Variants in MAGI2 observed in about 807,000 individuals in gnomAD.
MAGI2 encodes the protein membrane associated guanylate kinase, WW and PDZ domain containing 2.
MAGI2 carries 35 observed loss-of-function variants against 133.3 expected under a neutral mutation model. That is an observed-to-expected ratio of 0.26 (90% confidence interval 0.20 to 0.35). The LOEUF (loss-of-function observed/expected upper bound fraction) is 0.35, where lower values mean the gene tolerates loss of function less well. Among genes scored for constraint, MAGI2 ranks in the 10% least tolerant of loss-of-function variants. MAGI2 has a pLI of 1.00. For synonymous variants in MAGI2, 729 were observed against 710.6 expected (o/e 1.03, Z -0.41); for missense variants, 1,636 against 1,863.4 (o/e 0.88, Z 2.25).
intron 1 of MAGI2, among the ~76,000 whole-genome samples, chr7:79,042,749 A>T (rs1281918886): frequency 6.6e-6 from 1 of 152,152 alleles, no homozygotes; most frequent in African/African-American, 2.4e-5. Flanking sequence ...CCTAACAGAC[A>T]TCCACAGAAC....
intron 2 of MAGI2, among the ~76,000 whole-genome samples, chr7:78,989,023 G>A (rs146648533): frequency 3.3e-5 from 5 of 152,124 alleles, no homozygotes; most frequent in African/African-American, 7.2e-5. Flanking sequence ...GAGGTGCTTC[G>A]TGTATTTTTG....
intron 2 of MAGI2, among the ~76,000 whole-genome samples, chr7:78,789,838 G>A (rs1005554816): frequency 3.9e-5 from 6 of 151,994 alleles, no homozygotes; most frequent in Non-Finnish European, 7.4e-5. Context: ...ATCCACCTGT[G>A]GTCTTTTACA....
chr7:78,326,548 C>T (rs139107853), intron 9 of MAGI2, among the ~76,000 whole-genome samples: 80 of 152,284 alleles, frequency 5.3e-4, no homozygotes, highest in Middle Eastern at 3.4e-3. Flanking sequence ...GGTGGGTACT[C>T]AATGCACATG....
chr7:79,398,290 T>G (rs923500618), intron 1 of MAGI2, among the ~76,000 whole-genome samples: 1 of 152,222 alleles, frequency 6.6e-6, no homozygotes, highest in African/African-American at 2.4e-5. Context: ...AGAAGCTTAG[T>G]ATAGAGCACT....
At chr7:78,289,539 C>A (rs895206676) in intron 9 of MAGI2, among the ~76,000 whole-genome samples, 8 of 152,154 alleles carry the variant, frequency 5.3e-5, no homozygotes, top group African/African-American at 1.7e-4. Flanking sequence ...AGGATATCAT[C>A]CAGGAGAACT....
chr7:78,145,527 C>T (rs1823216158), intron 16 of MAGI2, among the ~76,000 whole-genome samples: 1 of 152,110 alleles, frequency 6.6e-6, no homozygotes, highest in African/African-American at 2.4e-5. Flanking sequence ...TGCTGCTTCT[C>T]CTATAGGTCA....
chr7:78,823,306 G>T (rs183638741), intron 2 of MAGI2, among the ~76,000 whole-genome samples: 2 of 151,842 alleles, frequency 1.3e-5, no homozygotes, highest in Non-Finnish European at 2.9e-5. Context: ...ACTGTCGGCC[G>T]GGCGCGGTGG....
At chr7:78,121,527 A>C (rs529405005) in intron 20 of MAGI2, among the ~76,000 whole-genome samples, 8 of 152,362 alleles carry the variant, frequency 5.3e-5, no homozygotes, top group African/African-American at 1.7e-4. Flanking sequence ...AAGAAATGCA[A>C]ATCCAAATCT....
chr7:78,404,794 G>A (rs1797226822), intron 6 of MAGI2, among the ~76,000 whole-genome samples: 1 of 152,086 alleles, frequency 6.6e-6, no homozygotes, highest in Admixed American at 6.6e-5. Flanking sequence ...TAAAGCAATG[G>A]CAACAAAAAC....
intron 4 of MAGI2, among the ~76,000 whole-genome samples, chr7:78,503,560 C>CCCTCCCCCTCCTCCTACCCCTCCT (rs1794812374): frequency 2.5e-5 from 1 of 39,490 alleles, no homozygotes; most frequent in African/African-American, 1.1e-4. Context: ...CTCCATCTCC[C>CCCTCCCCCTCCTCCTACCCCTCCT]CCTCCCCCTC....
intron 2 of MAGI2, among the ~76,000 whole-genome samples, chr7:78,842,119 A>C (rs563018687): frequency 1.2e-4 from 18 of 152,164 alleles, no homozygotes; most frequent in African/African-American, 4.1e-4. Flanking sequence ...TAAGCAGAAC[A>C]AAGTGCCTGC....
intron 1 of MAGI2, chr7:79,410,311 G>A (rs925615396): frequency 3.3e-5 from 5 of 152,036 alleles, no homozygotes; most frequent in East Asian, 3.9e-4. Context: ...TTTTGAATCC[G>A]GGGCTATGTT....
intron 6 of MAGI2, among the ~76,000 whole-genome samples, chr7:78,453,060 CCT>C (rs1788899779): frequency 6.6e-6 from 1 of 152,012 alleles, no homozygotes; most frequent in Non-Finnish European, 1.5e-5. Context: ...TAGCCTCTTT[CCT>C]CTGTTCTTTG....
At chr7:78,888,643 C>T (rs572287429) in intron 2 of MAGI2, among the ~76,000 whole-genome samples, 1 of 152,314 alleles carries the variant, frequency 6.6e-6, no homozygotes, top group Admixed American at 6.5e-5. Context: ...CTCCAGCAAA[C>T]TCCGACAGAC....
At position 78,699,706 on chromosome 7, in the gene MAGI2, T is replaced by A. The variant is rs574892865; in HGVS notation, c.419-72467A>T. Reference sequence around the variant, plus strand: ...CAATTGTGTAACAAGGTTCCTCATATAACATTAAGTCAGTATCTTGTGGCT... The same window carrying A: ...CAATTGTGTAACAAGGTTCCTCATAAAACATTAAGTCAGTATCTTGTGGCT... On this transcript the variant is annotated intron_variant, in intron 2 of 21. Coordinates refer to ENST00000354212, the MANE Select transcript of MAGI2 (RefSeq NM_012301.4). Among the ~76,000 whole-genome samples the A allele has an allele frequency of 2.0e-5, 3 of 152,336 alleles. No homozygotes were observed. The East Asian group carries it at 5.8e-4, about 29-fold the overall frequency.
At chr7:78,896,154 C>T (rs1797197335) in intron 2 of MAGI2, among the ~76,000 whole-genome samples, 1 of 152,170 alleles carries the variant, frequency 6.6e-6, no homozygotes, top group Admixed American at 6.5e-5. Context: ...TTTCATTCAG[C>T]ATGCAGTCTT....
intron 10 of MAGI2, among the ~76,000 whole-genome samples, chr7:78,224,179 G>A (rs1378331686): frequency 6.6e-6 from 1 of 152,172 alleles, no homozygotes; most frequent in Non-Finnish European, 1.5e-5. Context: ...CTGGGAATTG[G>A]AGTACAGGAG....
chr7:78,730,773 T>C (rs73152428), intron 2 of MAGI2, among the ~76,000 whole-genome samples: 14,767 of 152,120 alleles, frequency 0.097, 844 homozygotes, highest in East Asian at 0.23. Context: ...AGATATATTA[T>C]ATACTTAAAT....
chr7:79,371,848 T>G (rs2129134220), intron 1 of MAGI2, among the ~76,000 whole-genome samples: 1 of 152,268 alleles, frequency 6.6e-6, no homozygotes, highest in South Asian at 2.1e-4. Context: ...TAGCTCATAT[T>G]CCCAGTGATT....
Sources: allele counts gnomAD v4.1 joint callset (sites outside exome capture counted in the v4.1 genomes callset), GRCh38; gene constraint gnomAD v4.1.1; transcripts MANE v1.5; gene names NCBI Gene and HGNC (gene_info 2026-07-23, HGNC 2026-07-21).